SND1: variants seen among roughly 807,000 people sequenced by gnomAD.
SND1 encodes staphylococcal nuclease domain-containing protein 1.
Under a neutral mutation model 121.7 loss-of-function variants are expected in SND1, and 38 were observed. The observed-to-expected ratio is 0.31, with a 90% CI of 0.24 to 0.41. SND1 has a LOEUF of 0.41. SND1 is among the 10% of genes least tolerant of loss of function. The pLI is 1.00. For missense variants in SND1, 868 were observed against 1,184.6 expected, an observed-to-expected ratio of 0.73 and a Z score of 3.92; for synonymous variants, 401 against 447.4, an observed-to-expected ratio of 0.90 and a Z score of 1.31.
chr7:127,963,137 C>T (rs1176278268), intron 15 of SND1, among the ~76,000 whole-genome samples: 1 of 152,086 alleles, frequency 6.6e-6, no homozygotes, highest in African/African-American at 2.4e-5. Flanking sequence ...CAGCTCTATT[C>T]TAAGCTGTGT....
At chr7:128,008,723 C>G (rs1803044201) in intron 16 of SND1, among the ~76,000 whole-genome samples, 1 of 152,194 alleles carries the variant, frequency 6.6e-6, no homozygotes, top group Non-Finnish European at 1.5e-5. Context: ...GCCATGCTGT[C>G]AGGGTCTGGG....
intron 10 of SND1, among the ~76,000 whole-genome samples, chr7:127,770,146 G>A (rs1381521988): frequency 6.6e-6 from 1 of 152,154 alleles, no homozygotes; most frequent in Non-Finnish European, 1.5e-5. Context: ...GCAGAATTGT[G>A]TGCACTCATT....
chr7:127,973,903 C>G (rs909607944), intron 15 of SND1, among the ~76,000 whole-genome samples: 2 of 152,246 alleles, frequency 1.3e-5, no homozygotes, highest in African/African-American at 2.4e-5. Context: ...ACCTGAACCT[C>G]TGTGGGGGCT....
At chr7:128,080,884 T>C (rs981419056) in intron 17 of SND1, among the ~76,000 whole-genome samples, 3 of 152,036 alleles carry the variant, frequency 2.0e-5, no homozygotes, top group African/African-American at 7.2e-5. Flanking sequence ...AGAACTCACC[T>C]TTCCCCTCCG....
At chr7:127,732,868 T>C (rs958830212) in intron 10 of SND1, among the ~76,000 whole-genome samples, 1 of 152,184 alleles carries the variant, frequency 6.6e-6, no homozygotes, top group Admixed American at 6.5e-5. Context: ...ATGCTCATGG[T>C]ATGGCACAGT....
chr7:127,814,116 T>G (rs1429241157), intron 11 of SND1, among the ~76,000 whole-genome samples: 1 of 152,210 alleles, frequency 6.6e-6, no homozygotes, highest in East Asian at 1.9e-4. Flanking sequence ...TTCTGGTGAA[T>G]GTTCCCATAT....
At chr7:127,995,790 T>C (rs1481065465) in intron 16 of SND1, among the ~76,000 whole-genome samples, 1 of 152,244 alleles carries the variant, frequency 6.6e-6, no homozygotes, top group Non-Finnish European at 1.5e-5. Flanking sequence ...CCATAAGGTA[T>C]TATTTAAAGA....
intron 16 of SND1, among the ~76,000 whole-genome samples, chr7:128,067,753 G>A (rs1793341290): frequency 6.6e-6 from 1 of 152,128 alleles, no homozygotes; most frequent in South Asian, 2.1e-4. Context: ...GGGGAAGACA[G>A]TATCTCTTCT....
At chr7:127,845,981 A>C (rs180858924) in intron 12 of SND1, among the ~76,000 whole-genome samples, 1 of 152,272 alleles carries the variant, frequency 6.6e-6, no homozygotes, top group Non-Finnish European at 1.5e-5. Context: ...AAACCTTGAG[A>C]TCTCCACTGT....
At chr7:127,938,668 C>T (rs897142321) in intron 15 of SND1, among the ~76,000 whole-genome samples, 5 of 152,144 alleles carry the variant, frequency 3.3e-5, no homozygotes, top group African/African-American at 1.2e-4. Flanking sequence ...TTTTTCTCTC[C>T]GCTTTTGTAT....
intron 15 of SND1, among the ~76,000 whole-genome samples, chr7:127,973,220 C>G (rs1252047044): frequency 6.6e-6 from 1 of 152,158 alleles, no homozygotes; most frequent in Admixed American, 6.5e-5. Flanking sequence ...TTGATGAGGT[C>G]AGTTTTGACA....
chr7:127,882,267 A>G (rs938045028), intron 12 of SND1, among the ~76,000 whole-genome samples: 4 of 151,214 alleles, frequency 2.6e-5, no homozygotes, highest in Non-Finnish European at 4.4e-5. Flanking sequence ...TATATATGTT[A>G]AAAAAAGGAA....
At chr7:128,081,641 G>A (rs1034378823) in intron 18 of SND1, 140 bp downstream of exon 18, 27 of 921,432 alleles carry the variant, frequency 2.9e-5, no homozygotes, top group Middle Eastern at 3.3e-4. Flanking sequence ...TCACGTTGCC[G>A]CCCCTGTCTC....
At chr7:128,071,395 T>C in intron 16 of SND1, among the ~76,000 whole-genome samples, 1 of 152,194 alleles carries the variant, frequency 6.6e-6, no homozygotes. Context: ...AGAACAAAAT[T>C]ACCATAAATA....
At chr7:127,827,277 G>A (rs1295998621) in intron 11 of SND1, among the ~76,000 whole-genome samples, 1 of 152,088 alleles carries the variant, frequency 6.6e-6, no homozygotes, top group Non-Finnish European at 1.5e-5. Flanking sequence ...AACCAATTAA[G>A]AGTTGGAATT....
At chr7:127,879,339 T>C (rs1369929422) in intron 12 of SND1, among the ~76,000 whole-genome samples, 2 of 152,140 alleles carry the variant, frequency 1.3e-5, no homozygotes, top group Non-Finnish European at 2.9e-5. Context: ...GAAGAGAGCC[T>C]TGCTTTGGGC....
intron 1 of SND1, among the ~76,000 whole-genome samples, chr7:127,675,563 T>C (rs1425765357): frequency 6.6e-6 from 1 of 152,174 alleles, no homozygotes; most frequent in Non-Finnish European, 1.5e-5. Flanking sequence ...AAATGTTCCT[T>C]TCTGAAGGGG....
intron 12 of SND1, among the ~76,000 whole-genome samples, chr7:127,879,184 C>A (rs972493614): frequency 6.6e-6 from 1 of 152,130 alleles, no homozygotes; most frequent in African/African-American, 2.4e-5. Flanking sequence ...AGATCTCTCT[C>A]AACTATAATT....
intron 11 of SND1, among the ~76,000 whole-genome samples, chr7:127,819,481 A>G (rs1321236729): frequency 6.6e-6 from 1 of 152,242 alleles, no homozygotes; most frequent in Non-Finnish European, 1.5e-5. Context: ...ATTCTGACTT[A>G]ACAACATTTA....
Sources: gnomAD v4.1 joint callset for allele counts (sites outside exome capture counted in the v4.1 genomes callset) on GRCh38, gnomAD v4.1.1 for gene constraint, MANE v1.5 for transcripts, NCBI Gene and HGNC (gene_info 2026-07-23, HGNC 2026-07-21) for gene names.